The following NREP variants were observed in gnomAD, a reference collection of about 807,000 sequenced individuals.
NREP encodes neuronal regeneration-related protein.
Under a neutral mutation model 8.6 loss-of-function variants are expected in NREP, and 5 were observed. The ratio of observed to expected loss-of-function variants is 0.58; its 90% confidence interval spans 0.30 to 1.22. NREP has a LOEUF of 1.22. Among genes scored for constraint, NREP ranks in the 50% most tolerant of loss-of-function variants. The pLI is 0.07. For missense variants in NREP, 86 were observed against 82.5 expected, an observed-to-expected ratio of 1.04 and a Z score of -0.17; for synonymous variants, 27 against 28.0, an observed-to-expected ratio of 0.96 and a Z score of 0.11.
At chr5:111,791,379 C>T (rs980956242) in intron 2 of NREP, among the ~76,000 whole-genome samples, 1 of 152,174 alleles carries the variant, frequency 6.6e-6, no homozygotes, top group Non-Finnish European at 1.5e-5. Flanking sequence ...CCACCATCTT[C>T]CCCCAGTAAC....
At chr5:111,860,158 C>G (rs1753513516) in intron 2 of NREP, among the ~76,000 whole-genome samples, 1 of 152,132 alleles carries the variant, frequency 6.6e-6, no homozygotes, top group African/African-American at 2.4e-5. Context: ...ATTATAGCAA[C>G]AGTTGCAAGG....
chr5:111,784,544 T>C (rs1221896440), intron 2 of NREP, among the ~76,000 whole-genome samples: 1 of 152,216 alleles, frequency 6.6e-6, no homozygotes, highest in Admixed American at 6.5e-5. Context: ...AGCAGAGCAT[T>C]ACTGTTTTAC....
chr5:111,780,765 C>CT lies in NREP; in HGVS notation c.136-45259dup, dbSNP rs1487651407. 4.6e-5 allele frequency among the ~76,000 whole-genome samples: 7 copies of CT among 152,224 alleles called. 1 individual carries two copies. Among genetic ancestry groups the CT allele is most frequent in the African/African-American group, 1.7e-4 (7 of 41,550 alleles). ...GAAATCTTTTAAATCCTCACTATTG[C>CT]TTTTTGCAGCAATTTCTACATTGCA... On this transcript the variant is annotated intron_variant, in intron 2 of 3. Coordinates refer to the NREP transcript ENST00000395634.
intron 2 of NREP, chr5:111,846,398 G>C (rs1373231150): frequency 1.1e-5 from 1 of 89,042 alleles, no homozygotes; most frequent in Non-Finnish European, 2.5e-5. Context: ...ACTTCCCTTT[G>C]CTCCCTTTAC....
At chr5:111,813,830 T>A (rs1405121355) in intron 2 of NREP, among the ~76,000 whole-genome samples, 1 of 152,070 alleles carries the variant, frequency 6.6e-6, no homozygotes, top group Non-Finnish European at 1.5e-5. Context: ...AACAAAGAAC[T>A]AATATACATA....
exon 2 of NREP, chr5:111,975,337 C>T (rs1756932121): frequency 6.4e-7 from 1 of 1,551,698 alleles, no homozygotes; most frequent in South Asian, 1.2e-5. Flanking sequence ...CTCTGTCTGT[C>T]ATCCTGCTCC....
intron 2 of NREP, among the ~76,000 whole-genome samples, chr5:111,741,416 G>C (rs1749650865): frequency 6.6e-6 from 1 of 150,960 alleles, no homozygotes; most frequent in Non-Finnish European, 1.5e-5. Context: ...GTGCTATAAA[G>C]AATCTCCCTC....
At chr5:111,788,080 G>T (rs1477340179) in intron 2 of NREP, among the ~76,000 whole-genome samples, 1 of 152,116 alleles carries the variant, frequency 6.6e-6, no homozygotes, top group Non-Finnish European at 1.5e-5. Flanking sequence ...AACAAAGCAA[G>T]ACCCTATCTC....
At chr5:111,856,853 T>C (rs1242082909) in intron 2 of NREP, among the ~76,000 whole-genome samples, 4 of 152,034 alleles carry the variant, frequency 2.6e-5, no homozygotes, top group African/African-American at 9.7e-5. Context: ...AAAAGTAAAG[T>C]TGTATTGATT....
intron 2 of NREP, among the ~76,000 whole-genome samples, chr5:111,777,113 A>T (rs1421916517): frequency 6.6e-6 from 1 of 152,126 alleles, no homozygotes; most frequent in Non-Finnish European, 1.5e-5. Context: ...TAGATTGTTA[A>T]GTGAAAGTAT....
At chr5:111,753,197 A>G (rs770340641) in intron 2 of NREP, among the ~76,000 whole-genome samples, 3 of 151,774 alleles carry the variant, frequency 2.0e-5, no homozygotes, top group Non-Finnish European at 2.9e-5. Flanking sequence ...TTTTAACAGT[A>G]CTCTTGAGTT....
At chr5:111,828,561 C>G (rs1017998622) in intron 2 of NREP, among the ~76,000 whole-genome samples, 3 of 152,104 alleles carry the variant, frequency 2.0e-5, no homozygotes, top group Non-Finnish European at 4.4e-5. Context: ...TAATTTCACA[C>G]TTAAGAGCCT....
intron 2 of NREP, among the ~76,000 whole-genome samples, chr5:111,750,133 GCA>G (rs1472806782): frequency 2.0e-5 from 3 of 152,126 alleles, no homozygotes; most frequent in South Asian, 4.1e-4. Context: ...GTCCTTGACA[GCA>G]CAGAGGTCCT....
intron 2 of NREP, among the ~76,000 whole-genome samples, chr5:111,791,294 G>T (rs1751740266): frequency 6.6e-6 from 1 of 152,056 alleles, no homozygotes; most frequent in Admixed American, 6.5e-5. Flanking sequence ...TCACCACATT[G>T]TACAAGAGAT....
chr5:111,915,382 G>A (rs1192306844), intron 2 of NREP, among the ~76,000 whole-genome samples: 2 of 151,974 alleles, frequency 1.3e-5, no homozygotes, highest in African/African-American at 4.8e-5. Context: ...TCATTGCAGA[G>A]TTAACCTCTA....
intron 2 of NREP, among the ~76,000 whole-genome samples, chr5:111,802,919 GAGCAGA>G (rs1486743488): frequency 1.1e-4 from 16 of 152,264 alleles, no homozygotes; most frequent in Admixed American, 1.0e-3. Context: ...GAAGCTGAAA[GAGCAGA>G]AGCAAGAAAG....
intron 2 of NREP, among the ~76,000 whole-genome samples, chr5:111,954,596 T>G (rs902067457): frequency 6.6e-6 from 1 of 152,032 alleles, no homozygotes; most frequent in African/African-American, 2.4e-5. Context: ...GATTGGAAAA[T>G]AACATTTTCT....
chr5:111,889,174 C>G (rs1167677747), intron 2 of NREP, among the ~76,000 whole-genome samples: 1 of 152,206 alleles, frequency 6.6e-6, no homozygotes, highest in Admixed American at 6.5e-5. Flanking sequence ...AGAAAGCATA[C>G]TGCTGGTGTC....
At chr5:111,911,175 C>T (rs1331831796) in intron 2 of NREP, among the ~76,000 whole-genome samples, 2 of 151,970 alleles carry the variant, frequency 1.3e-5, no homozygotes, top group African/African-American at 2.4e-5. Flanking sequence ...CTGGATATCA[C>T]CCCGGCACCC....
Sources: gnomAD v4.1 joint callset for allele counts (sites outside exome capture counted in the v4.1 genomes callset) on GRCh38, gnomAD v4.1.1 for gene constraint, MANE v1.5 for transcripts, NCBI Gene and HGNC (gene_info 2026-07-23, HGNC 2026-07-21) for gene names.